The following ST6GALNAC5 variants were observed in gnomAD, a reference collection of about 807,000 sequenced individuals.
ST6GALNAC5 encodes the protein ST6 N-acetylgalactosaminide alpha-2,6-sialyltransferase 5, also known as alpha-N-acetylgalactosaminide alpha-2,6-sialyltransferase 5.
A neutral mutation model predicts 33.6 loss-of-function variants in ST6GALNAC5; 27 were observed. That is an observed-to-expected ratio of 0.80 (90% CI 0.59 to 1.11). ST6GALNAC5 has a LOEUF of 1.11. Ranked by LOEUF, ST6GALNAC5 falls within the 50% of genes least tolerant of loss-of-function variation. The pLI, the probability that ST6GALNAC5 is intolerant of heterozygous loss-of-function variation, is 0.00. For synonymous variants in ST6GALNAC5, 194 were observed against 171.2 expected, an observed-to-expected ratio of 1.13 and a Z score of -1.04; for missense variants, 428 against 454.0, an observed-to-expected ratio of 0.94 and a Z score of 0.52.
intron 2 of ST6GALNAC5, among the ~76,000 whole-genome samples, chr1:76,871,103 A>G (rs1481655176): frequency 6.6e-6 from 1 of 152,244 alleles, no homozygotes; most frequent in Non-Finnish European, 1.5e-5. Flanking sequence ...TTTATTTGAT[A>G]TCTTCCTATA....
At chr1:77,060,337 T>G (rs755458846) in intron 4 of ST6GALNAC5, 53 of 152,182 alleles carry the variant, frequency 3.5e-4, no homozygotes, top group Admixed American at 1.1e-3. Flanking sequence ...CTGAGGTTTA[T>G]TGTAGTTTTC....
At chr1:77,018,862 G>A (rs1346132189) in intron 2 of ST6GALNAC5, among the ~76,000 whole-genome samples, 1 of 152,184 alleles carries the variant, frequency 6.6e-6, no homozygotes, top group African/African-American at 2.4e-5. Flanking sequence ...TGAACTGCTA[G>A]GAGTTGCAAA....
intron 2 of ST6GALNAC5, among the ~76,000 whole-genome samples, chr1:76,957,177 G>A (rs1053145817): frequency 2.0e-5 from 3 of 152,134 alleles, no homozygotes; most frequent in Non-Finnish European, 2.9e-5. Context: ...CAGTTCTGGA[G>A]GCCAGAAATC....
At chr1:76,920,679 C>G (rs1192816084) in intron 2 of ST6GALNAC5, among the ~76,000 whole-genome samples, 3 of 152,138 alleles carry the variant, frequency 2.0e-5, no homozygotes, top group Non-Finnish European at 4.4e-5. Context: ...TAATACTGGT[C>G]ACATTGCATT....
chr1:76,896,867 C>T (rs34805250), intron 2 of ST6GALNAC5, among the ~76,000 whole-genome samples: 8,526 of 152,164 alleles, frequency 0.056, 318 homozygotes, highest in Non-Finnish European at 0.084. Flanking sequence ...TGCATGCAGA[C>T]ATGAGGGCTA....
intron 2 of ST6GALNAC5, among the ~76,000 whole-genome samples, chr1:76,984,121 C>T (rs1649378698): frequency 6.6e-6 from 1 of 152,092 alleles, no homozygotes; most frequent in Admixed American, 6.6e-5. Flanking sequence ...CAAGAGCAAA[C>T]AAATTAAAAT....
chr1:76,891,679 C>T (rs1654015697), intron 2 of ST6GALNAC5, among the ~76,000 whole-genome samples: 1 of 151,976 alleles, frequency 6.6e-6, no homozygotes, highest in Non-Finnish European at 1.5e-5. Context: ...AAGAATTATT[C>T]CTATGTTTTC....
At chr1:77,019,815 A>G (rs768222177) in intron 2 of ST6GALNAC5, among the ~76,000 whole-genome samples, 1 of 152,222 alleles carries the variant, frequency 6.6e-6, no homozygotes, top group Non-Finnish European at 1.5e-5. Flanking sequence ...TCACATTTAA[A>G]TACTGATGTT....
chr1:76,881,934 G>A (rs533688518), intron 2 of ST6GALNAC5, among the ~76,000 whole-genome samples: 1 of 152,262 alleles, frequency 6.6e-6, no homozygotes, highest in South Asian at 2.1e-4. Flanking sequence ...TGGGTTAGTG[G>A]CAGAGCTGGG....
intron 2 of ST6GALNAC5, among the ~76,000 whole-genome samples, chr1:76,918,616 C>CAAAAAAA (rs5775368): frequency 1.3e-5 from 1 of 76,576 alleles, no homozygotes. Flanking sequence ...GACTCCATCT[C>CAAAAAAA]AAAAAAAAAA....
chr1:76,908,837 GAATA>G (rs1483647562), intron 2 of ST6GALNAC5, among the ~76,000 whole-genome samples: 9 of 152,126 alleles, frequency 5.9e-5, no homozygotes, highest in Non-Finnish European at 1.0e-4. Context: ...GTTAATGAAT[GAATA>G]AATAGATTTT....
intron 2 of ST6GALNAC5, among the ~76,000 whole-genome samples, chr1:76,989,076 T>C (rs1649620709): frequency 6.6e-6 from 1 of 152,076 alleles, no homozygotes; most frequent in Non-Finnish European, 1.5e-5. Context: ...ATTGACCTAG[T>C]CTTTTCACCT....
chr1:77,033,207 C>A (rs1267186928), intron 2 of ST6GALNAC5, among the ~76,000 whole-genome samples: 1 of 152,138 alleles, frequency 6.6e-6, no homozygotes, highest in Non-Finnish European at 1.5e-5. Flanking sequence ...CTCATCCATG[C>A]CCCCTTTGGA....
chr1:77,026,807 ATG>A (rs1651255728), intron 2 of ST6GALNAC5, among the ~76,000 whole-genome samples: 1 of 151,848 alleles, frequency 6.6e-6, no homozygotes, highest in African/African-American at 2.4e-5. Flanking sequence ...GAATGAATGA[ATG>A]AATGAATGAA....
chr1:76,873,643 A>T (rs1424437617), intron 2 of ST6GALNAC5, among the ~76,000 whole-genome samples: 1 of 152,244 alleles, frequency 6.6e-6, no homozygotes, highest in African/African-American at 2.4e-5. Flanking sequence ...CCACAAAAGT[A>T]ATTCTAATAA....
In ST6GALNAC5 at chr1:77,063,434, C is replaced by T. The variant is rs532849683; in HGVS notation, c.*228C>T. On this transcript the variant is annotated 3_prime_UTR_variant, in exon 5 of 5. Transcript: ENST00000477717. ...AATGTTGTCCCCTTCAATGGTGTTA[C>T]CTTAGGAGCTGAACATTCAATTCAG... 3.7e-6 allele frequency: 2 copies of T among 533,622 alleles called. No homozygotes were observed. The highest frequency in any genetic ancestry group is 1.9e-5 in the African/African-American group (1 of 52,790). 33.1% of individuals were successfully genotyped at this position (533,622 alleles called of 1,614,324 possible). A position where few individuals can be genotyped will look rare whatever the true frequency, so the allele number is the denominator to read the frequency against.
At chr1:76,976,957 T>G (rs1649034787) in intron 2 of ST6GALNAC5, among the ~76,000 whole-genome samples, 1 of 152,194 alleles carries the variant, frequency 6.6e-6, no homozygotes, top group Non-Finnish European at 1.5e-5. Context: ...TGATTCTGAT[T>G]TAGTAGGTCT....
At chr1:76,956,277 G>GAA (rs543765187) in intron 2 of ST6GALNAC5, among the ~76,000 whole-genome samples, 1 of 136,710 alleles carries the variant, frequency 7.3e-6, no homozygotes, top group South Asian at 2.3e-4. Flanking sequence ...CCAAGATCCA[G>GAA]AAAAAAAAAA....
At position 76,956,108 on chromosome 1, in the gene ST6GALNAC5, A is replaced by C. The variant is rs571930722; in HGVS notation, c.261+87366A>C. 1.5e-3 allele frequency among the ~76,000 whole-genome samples: 221 copies of C among 152,264 alleles called. 2 individuals are homozygous for C. In the South Asian group the frequency reaches 0.019, roughly 13 times the overall value. ...ATAAAAACTAAAAAAGGGAAAATAA[A>C]ACTTATCTGTAATGTTACTGTTAGG... On this transcript the variant is annotated intron_variant, in intron 2 of 4. Coordinates refer to ENST00000477717, the MANE Select transcript of ST6GALNAC5 (RefSeq NM_030965.3).
Sources: gnomAD v4.1 joint callset for allele counts (sites outside exome capture counted in the v4.1 genomes callset) on GRCh38, gnomAD v4.1.1 for gene constraint, MANE v1.5 for transcripts, NCBI Gene and HGNC (gene_info 2026-07-23, HGNC 2026-07-21) for gene names.